Variants in PCDH11X observed in about 807,000 individuals in gnomAD.
PCDH11X encodes protocadherin-11 X-linked.
PCDH11X carries 18 observed loss-of-function variants against 53.3 expected under a neutral mutation model. The ratio of observed to expected loss-of-function variants is 0.34; its 90% CI spans 0.23 to 0.50. PCDH11X has a LOEUF of 0.50. Ranked by LOEUF, PCDH11X falls within the 20% of genes least tolerant of loss-of-function variation. The pLI is 0.98. For synonymous variants in PCDH11X, 279 were observed against 393.3 expected, an observed-to-expected ratio of 0.71 and a Z score of 3.44; for missense variants, 570 against 1,032.4, an observed-to-expected ratio of 0.55 and a Z score of 6.14.
At chrX:92,128,398 CT>C (rs1286836898) in intron 6 of PCDH11X, among the ~76,000 whole-genome samples, 123 of 96,656 alleles carry the variant, frequency 1.3e-3, no homozygotes, top group East Asian at 1.6e-3. Flanking sequence ...CAGCATTAGT[CT>C]TTTTTTTTTT....
intron 6 of PCDH11X, among the ~76,000 whole-genome samples, chrX:92,140,199 T>C (rs2065156747): frequency 9.0e-6 from 1 of 111,276 alleles, no homozygotes; most frequent in South Asian, 3.7e-4. Flanking sequence ...CATGTGAATG[T>C]GTATACATAT....
chrX:92,153,522 T>A (rs1405596979), intron 6 of PCDH11X, among the ~76,000 whole-genome samples: 1 of 111,852 alleles, frequency 8.9e-6, no homozygotes, highest in African/African-American at 3.3e-5. Flanking sequence ...TTTATTGAAA[T>A]GTGAAGTGGT....
intron 5 of PCDH11X, among the ~76,000 whole-genome samples, chrX:91,861,648 G>GT (rs1938679678): frequency 8.9e-6 from 1 of 111,770 alleles, no homozygotes; most frequent in African/African-American, 3.3e-5. Flanking sequence ...CTACCGCTGG[G>GT]TCCAACCCAA....
chrX:92,002,616 C>A (rs958880790), intron 6 of PCDH11X, among the ~76,000 whole-genome samples: 1 of 109,719 alleles, frequency 9.1e-6, no homozygotes, highest in African/African-American at 3.3e-5. Context: ...CCTCTCACTT[C>A]TTTGGTTAAT....
Position 92,067,389 on chromosome X carries a change from A to T in PCDH11X, c.3034-133986A>T, listed in dbSNP as rs1476652124. 2.7e-5 allele frequency among the ~76,000 whole-genome samples: 3 copies of T among 110,764 alleles called. 1 individual carries two copies. Among genetic ancestry groups the T allele is most frequent in the Non-Finnish European group, 5.7e-5 (3 of 53,030 alleles). ...TCAGGAAGAGGTGTTTAATTTTATCAAATGCTTTTTAGCATCAATTGAGAT... is the reference window on the plus strand; with the variant it reads ...TCAGGAAGAGGTGTTTAATTTTATCTAATGCTTTTTAGCATCAATTGAGAT... On this transcript the variant is annotated intron_variant, in intron 6 of 10. Coordinates refer to ENST00000682573, the MANE Select transcript of PCDH11X (RefSeq NM_032968.5).
chrX:92,207,979 G>A (rs1361584414), intron 7 of PCDH11X, among the ~76,000 whole-genome samples: 1 of 110,048 alleles, frequency 9.1e-6, no homozygotes, highest in African/African-American at 3.3e-5. Flanking sequence ...GGTGGATCAC[G>A]AGATCAGGAG....
intron 10 of PCDH11X, among the ~76,000 whole-genome samples, chrX:92,495,417 CATTT>C (rs749082672): frequency 9.1e-6 from 1 of 109,407 alleles, no homozygotes; most frequent in South Asian, 4.0e-4. Flanking sequence ...TAATGCTTTC[CATTT>C]CTCCTCCTTG....
At chrX:91,969,211 GA>G (rs1240261387) in intron 6 of PCDH11X, among the ~76,000 whole-genome samples, 1 of 109,830 alleles carries the variant, frequency 9.1e-6, no homozygotes, top group African/African-American at 3.3e-5. Flanking sequence ...GATTACCTCA[GA>G]AAGGGTGGCT....
chrX:92,174,609 A>G (rs1055739492), intron 6 of PCDH11X, among the ~76,000 whole-genome samples: 4 of 111,941 alleles, frequency 3.6e-5, no homozygotes, highest in African/African-American at 1.3e-4. Context: ...TGAAACCAAG[A>G]GAATGTTTGA....
Position 91,796,295 on chromosome X carries a change from C to T in PCDH11X, c.-378-13171C>T, listed in dbSNP as rs183375811. On this transcript the variant is annotated intron_variant, in intron 1 of 10. Coordinates refer to ENST00000682573, the MANE Select transcript of PCDH11X (RefSeq NM_032968.5). ...TTTTTGTGTTCTTTTCTACCAGAGC[C>T]ATGTATTCCTACTGCATAGTATACA... Among the ~76,000 whole-genome samples, 500 of 111,712 alleles carry T rather than the reference C, an allele frequency of 4.5e-3. 1 individual carries two copies. Among genetic ancestry groups the T allele is most frequent in the Non-Finnish European group, 7.9e-3 (418 of 53,045 alleles).
In PCDH11X at chrX:92,352,565, T is replaced by A. The variant is rs191993131; in HGVS notation, c.3145-35170T>A. ...CTTGGGGCATGTTAAGGAACCTTGT[T>A]TCTTCATATGACTAGAATTGCTTTT... On this transcript the variant is annotated intron_variant, in intron 8 of 10. Transcript: ENST00000682573. Among the ~76,000 whole-genome samples, 19 of 110,973 alleles carry A rather than the reference T, an allele frequency of 1.7e-4. No individual in the cohort carries two copies. The East Asian group carries it at 5.5e-3, about 32-fold the overall frequency.
chrX:92,284,803 G>A (rs1401401048), intron 8 of PCDH11X, among the ~76,000 whole-genome samples: 1 of 111,886 alleles, frequency 8.9e-6, no homozygotes, highest in Admixed American at 9.5e-5. Context: ...CGGCTTTGTT[G>A]CAGAAGCATC....
At chrX:92,596,099 T>C (rs1197780966) in intron 10 of PCDH11X, among the ~76,000 whole-genome samples, 1 of 112,442 alleles carries the variant, frequency 8.9e-6, no homozygotes, top group Non-Finnish European at 1.9e-5. Context: ...TTTAATTTGC[T>C]CTTTCCTGTT....
At chrX:92,229,189 A>G (rs2067024902) in intron 7 of PCDH11X, among the ~76,000 whole-genome samples, 2 of 111,578 alleles carry the variant, frequency 1.8e-5, no homozygotes, top group Non-Finnish European at 3.8e-5. Context: ...TCTGACTTGG[A>G]TGGGAGAAAA....
At chrX:92,160,081 G>C (rs2065612462) in intron 6 of PCDH11X, among the ~76,000 whole-genome samples, 1 of 110,521 alleles carries the variant, frequency 9.0e-6, no homozygotes, top group Non-Finnish European at 1.9e-5. Context: ...ACAGGGAATG[G>C]TTTTGTTTAT....
intron 6 of PCDH11X, among the ~76,000 whole-genome samples, chrX:91,950,607 T>TATATATAAATGTGATATATATATATATAC (rs772420274): frequency 1.0e-5 from 1 of 97,774 alleles, no homozygotes; most frequent in African/African-American, 4.1e-5. Flanking sequence ...TATATATATA[T>TATATATAAATGTGATATATATATATATAC]ACACACACAC....
At chrX:91,939,466 TG>T (rs1450008203) in intron 6 of PCDH11X, among the ~76,000 whole-genome samples, 1 of 110,008 alleles carries the variant, frequency 9.1e-6, no homozygotes, top group Non-Finnish European at 1.9e-5. Context: ...CCAAATTTAA[TG>T]ACGACTCTGA....
chrX:92,315,488 C>G (rs1301520653), intron 8 of PCDH11X, among the ~76,000 whole-genome samples: 3 of 111,506 alleles, frequency 2.7e-5, no homozygotes, highest in Non-Finnish European at 5.6e-5. Context: ...GAAAAGTGAC[C>G]TTAAACCATA....
At chrX:92,331,360 C>G (rs867272636) in intron 8 of PCDH11X, among the ~76,000 whole-genome samples, 1 of 66,816 alleles carries the variant, frequency 1.5e-5, no homozygotes, top group Non-Finnish European at 2.6e-5. Flanking sequence ...CCTCCTCTTC[C>G]TCCTCCTCCT....
Sources: allele counts gnomAD v4.1 joint callset (sites outside exome capture counted in the v4.1 genomes callset), GRCh38; gene constraint gnomAD v4.1.1; transcripts MANE v1.5; gene names NCBI Gene and HGNC (gene_info 2026-07-23, HGNC 2026-07-21).